The following PPP1R13B variants were observed in gnomAD, a reference collection of about 807,000 sequenced individuals.
The protein encoded by PPP1R13B is apoptosis-stimulating of p53 protein 1.
PPP1R13B carries 44 observed loss-of-function variants against 119.8 expected under a neutral mutation model. The ratio of observed to expected loss-of-function variants is 0.37; its 90% confidence interval spans 0.29 to 0.47. The LOEUF is 0.47. Among genes scored for constraint, PPP1R13B ranks in the 20% least tolerant of loss-of-function variants. The pLI, the probability that PPP1R13B is intolerant of heterozygous loss-of-function variation, is 0.99. For missense variants in PPP1R13B, 1,227 were observed against 1,413.5 expected, an observed-to-expected ratio of 0.87 and a Z score of 2.12; for synonymous variants, 542 against 561.5, an observed-to-expected ratio of 0.97 and a Z score of 0.49.
chr14:103,788,152 G>C (rs1179627247), intron 2 of PPP1R13B, among the ~76,000 whole-genome samples: 2 of 151,932 alleles, frequency 1.3e-5, no homozygotes, highest in African/African-American at 4.8e-5. Flanking sequence ...AAAAATGCTA[G>C]AATGATCTGG....
At chr14:103,848,099 C>T (rs1358084729), upstream of PPP1R13B, among the ~76,000 whole-genome samples, 3 of 152,020 alleles carry the variant, frequency 2.0e-5, no homozygotes, top group Non-Finnish European at 4.4e-5. Flanking sequence ...CCCGAGGCCG[C>T]GCGCTCGGAA....
intron 2 of PPP1R13B, among the ~76,000 whole-genome samples, chr14:103,791,180 G>C (rs56726433): frequency 0.032 from 4,791 of 151,402 alleles, 214 homozygotes; most frequent in African/African-American, 0.099. Context: ...AAAGTGCAGT[G>C]ATATGATCAT....
At chr14:103,848,317 G>T (rs2087122638), upstream of PPP1R13B, 14 of 985,336 alleles carry the variant, frequency 1.4e-5, no homozygotes, top group Non-Finnish European at 1.6e-5. Flanking sequence ...CCCCGGGGAG[G>T]GTCCGGTCCT....
intron 1 of PPP1R13B, chr14:103,804,027 G>C (rs1274022845): frequency 4.1e-6 from 4 of 979,336 alleles, no homozygotes; most frequent in Non-Finnish European, 4.9e-6. Context: ...TCCTCTACTG[G>C]AACAGTATCT....
At chr14:103,784,619 C>A (rs1328721019) in intron 3 of PPP1R13B, among the ~76,000 whole-genome samples, 176 bp downstream of exon 3, 1 of 135,360 alleles carries the variant, frequency 7.4e-6, no homozygotes, top group Admixed American at 7.7e-5. Flanking sequence ...AAAAAAAGTG[C>A]CGTAATGGTA....
chr14:103,749,089 CAT>C (rs1326064532), intron 8 of PPP1R13B, among the ~76,000 whole-genome samples: 2 of 152,198 alleles, frequency 1.3e-5, no homozygotes, highest in Non-Finnish European at 2.9e-5. Context: ...GGAATCGACT[CAT>C]GTGATTGTGG....
chr14:103,806,341 C>G (rs2086017697), intron 1 of PPP1R13B, among the ~76,000 whole-genome samples: 1 of 152,138 alleles, frequency 6.6e-6, no homozygotes, highest in African/African-American at 2.4e-5. Flanking sequence ...TCTACTACTT[C>G]TTTCTGGTGG....
At chr14:103,834,480 T>C (rs185305909) in intron 1 of PPP1R13B, among the ~76,000 whole-genome samples, 20 of 152,138 alleles carry the variant, frequency 1.3e-4, no homozygotes, top group Admixed American at 1.3e-3. Context: ...GAAGGGCTTT[T>C]CAGCTGACTG....
intron 1 of PPP1R13B, chr14:103,818,505 G>T: frequency 1.0e-6 from 1 of 982,680 alleles, no homozygotes; most frequent in East Asian, 1.1e-4. Flanking sequence ...GGAGAAGAAC[G>T]AATATTTTCT....
Position 103,738,874 on chromosome 14 carries a change from G to T in PPP1R13B, c.2730+12C>A. The T allele has an allele frequency of 6.2e-7, 1 of 1,613,016 alleles. No homozygotes were observed. The highest frequency in any genetic ancestry group is 1.3e-5 in the African/African-American group (1 of 75,040). On this transcript the variant is annotated intron_variant, in intron 13 of 16. Transcript: ENST00000202556. The surrounding 1 kb of genome is among the most constrained non-coding windows in gnomAD (Gnocchi z 5.6). The stretch of plus-strand genomic sequence containing the variant: ...CCCCAGCAGCGTGCACTGGTCCCCG[G>T]CTGCAGCTCACCTCATAGATGATCC...
chr14:103,808,022 T>C (rs2086058767), intron 1 of PPP1R13B, among the ~76,000 whole-genome samples: 1 of 151,856 alleles, frequency 6.6e-6, no homozygotes, highest in Non-Finnish European at 1.5e-5. Context: ...AGACAGATCA[T>C]TTGAGGTCAG....
intron 1 of PPP1R13B, among the ~76,000 whole-genome samples, chr14:103,835,499 T>C (rs944242876): frequency 5.3e-5 from 8 of 150,718 alleles, no homozygotes; most frequent in Non-Finnish European, 1.2e-4. Flanking sequence ...GGTGTGATCA[T>C]ACCTCACTGC....
chr14:103,797,788 T>C (rs1367472425), intron 1 of PPP1R13B, among the ~76,000 whole-genome samples: 2 of 151,840 alleles, frequency 1.3e-5, no homozygotes, highest in Non-Finnish European at 2.9e-5. Flanking sequence ...TAGATATATA[T>C]ATAGATCAAT....
Position 103,746,291 on chromosome 14 carries a change from T to TGGGGGGGGGGGGGGGGGG in PPP1R13B, c.1150+81_1150+82insCCCCCCCCCCCCCCCCCC. 37 of 272,100 alleles carry TGGGGGGGGGGGGGGGGGG rather than the reference T, an allele frequency of 1.4e-4. 10 individuals carry two copies. The highest frequency in any genetic ancestry group is 2.2e-4 in the Non-Finnish European group (29 of 133,690). The allele number at this position is 272,100 out of a possible 1,614,324, so 16.9% of individuals were successfully genotyped here. ...TGTGTGGGGCAGAGCCTCAGGAGCC[T>TGGGGGGGGGGGGGGGGGG]GCCCCACCCCCCGCCCCTCCACCGC... On this transcript the variant is annotated intron_variant, in intron 9 of 16. Coordinates refer to ENST00000202556, the MANE Select transcript of PPP1R13B (RefSeq NM_015316.3).
chr14:103,831,490 T>C (rs1451348135), intron 1 of PPP1R13B, among the ~76,000 whole-genome samples: 1 of 150,584 alleles, frequency 6.6e-6, no homozygotes, highest in Non-Finnish European at 1.5e-5. Flanking sequence ...TTTGTATTTT[T>C]AGTACCGAGA....
rs575477374 is a variant in PPP1R13B at position 103,748,193 on chromosome 14, C to T, written c.969+1601G>A. ...CATTACTGAGGAGCATATGTAAGCA[C>T]AGGGAAAGTGCTTGCAGCCTCTCTC... On this transcript the variant is annotated intron_variant, in intron 8 of 16. Transcript: ENST00000202556. Among the ~76,000 whole-genome samples, 128 of 152,324 alleles carry T rather than the reference C, an allele frequency of 8.4e-4. 2 individuals carry two copies. In the South Asian group the frequency reaches 0.015, roughly 18 times the overall value.
At chr14:103,754,284 G>C in intron 5 of PPP1R13B, 40 bp from the exon 6 acceptor site, 1 of 1,581,060 alleles carries the variant, frequency 6.3e-7, no homozygotes, top group East Asian at 2.2e-5. Context: ...AAAATTGAAG[G>C]CTGGGCGCGG....
rs35928276 is a variant in PPP1R13B at position 103,820,652 on chromosome 14, ATTTTTTTTT to A, written c.10-23143_10-23135del. 2.9e-5 allele frequency among the ~76,000 whole-genome samples: 3 copies of A among 102,590 alleles called. No individual in the cohort carries two copies. In the South Asian group the frequency reaches 9.6e-4, roughly 33 times the overall value. 67.3% of individuals were successfully genotyped at this position (102,590 alleles called of 152,430 possible). On this transcript the variant is annotated intron_variant, in intron 1 of 16. Transcript: ENST00000202556. ...TGGCACACATACCACCATGCCCAGG[ATTTTTTTTT>A]TTTTTTTTTTTTTTGTAGAGACAGG...
intron 6 of PPP1R13B, 60 bp downstream of exon 6, chr14:103,754,010 A>G: frequency 9.0e-6 from 14 of 1,552,712 alleles, no homozygotes; most frequent in Non-Finnish European, 1.1e-5. Context: ...CAGTTAGACT[A>G]TGTTTCACTG....
Sources: allele counts gnomAD v4.1 joint callset (sites outside exome capture counted in the v4.1 genomes callset), GRCh38; gene constraint gnomAD v4.1.1; non-coding constraint Gnocchi (gnomAD v3.1); transcripts MANE v1.5; gene names NCBI Gene and HGNC (gene_info 2026-07-23, HGNC 2026-07-21).